Variants in LRFN5 observed in about 807,000 individuals in gnomAD.
LRFN5 encodes leucine rich repeat and fibronectin type III domain containing 5.
LRFN5 carries 24 observed loss-of-function variants against 45.6 expected under a neutral mutation model. That is an observed-to-expected ratio of 0.53 (90% CI 0.38 to 0.74). The LOEUF (loss-of-function observed/expected upper bound fraction) is 0.74, where lower values mean the gene tolerates loss of function less well. Ranked by LOEUF, LRFN5 falls within the 30% of genes least tolerant of loss-of-function variation. The pLI is 0.00. For missense variants in LRFN5, 776 were observed against 861.5 expected (o/e 0.90, Z 1.24); for synonymous variants, 340 against 313.8 (o/e 1.08, Z -0.88).
At chr14:41,868,312 T>C (rs1889906154) in intron 2 of LRFN5, among the ~76,000 whole-genome samples, 1 of 152,102 alleles carries the variant, frequency 6.6e-6, no homozygotes, top group Non-Finnish European at 1.5e-5. Flanking sequence ...CAATGGAATA[T>C]GTAAAGGAAC....
At chr14:41,856,675 A>ATTATTTTTATTTTTTTTTT in intron 2 of LRFN5, among the ~76,000 whole-genome samples, 1 of 18,328 alleles carries the variant, frequency 5.5e-5, no homozygotes, top group African/African-American at 1.3e-4. Flanking sequence ...TATTATTATT[A>ATTATTTTTATTTTTTTTTT]TTTTTTTTTT....
chr14:41,893,543 T>G, intron 4 of LRFN5: 1 of 985,080 alleles, frequency 1.0e-6, no homozygotes, highest in African/African-American at 1.7e-5. Flanking sequence ...CAGTAAAAGT[T>G]TATTAACTTT....
intron 2 of LRFN5, among the ~76,000 whole-genome samples, chr14:41,852,472 C>G (rs756876314): frequency 7.2e-5 from 11 of 151,824 alleles, no homozygotes; most frequent in Admixed American, 5.3e-4. Context: ...GTTCTCTTTC[C>G]TTGATCTAAA....
chr14:41,823,923 G>A (rs1347674782), intron 2 of LRFN5, among the ~76,000 whole-genome samples: 5 of 152,024 alleles, frequency 3.3e-5, no homozygotes, highest in Non-Finnish European at 2.9e-5. Context: ...CTGTCTTTAA[G>A]TTCTGAAATA....
intron 1 of LRFN5, among the ~76,000 whole-genome samples, chr14:41,674,266 G>A (rs1424548676): frequency 7.8e-6 from 1 of 128,884 alleles, no homozygotes; most frequent in Non-Finnish European, 1.7e-5. Flanking sequence ...TCACTTCCCA[G>A]TAGGGGCGGC....
At chr14:41,612,990 A>C (rs980505552) in intron 1 of LRFN5, among the ~76,000 whole-genome samples, 33 of 152,098 alleles carry the variant, frequency 2.2e-4, no homozygotes, top group African/African-American at 6.8e-4. Flanking sequence ...TTACATAAAC[A>C]TTTTATGTGA....
At position 41,758,527 on chromosome 14, in the gene LRFN5, G is replaced by A. The variant is rs183155967; in HGVS notation, c.-196-8327G>A. On this transcript the variant is annotated intron_variant, in intron 1 of 5. Coordinates refer to ENST00000298119, the MANE Select transcript of LRFN5 (RefSeq NM_152447.5). ...CCTATGGAGACATTTTAAAATCCCAGCTTTGTGTCAGTCACAGATTCACAG... is the reference window on the plus strand; with the variant it reads ...CCTATGGAGACATTTTAAAATCCCAACTTTGTGTCAGTCACAGATTCACAG... 5.2e-4 allele frequency among the ~76,000 whole-genome samples: 79 copies of A among 152,262 alleles called. 1 individual carries two copies. The highest frequency in any genetic ancestry group is 9.6e-4 in the Non-Finnish European group (65 of 68,016).
At chr14:41,848,565 A>G (rs1028536462) in intron 2 of LRFN5, among the ~76,000 whole-genome samples, 1 of 151,964 alleles carries the variant, frequency 6.6e-6, no homozygotes, top group Non-Finnish European at 1.5e-5. Flanking sequence ...TTGTGTTTAG[A>G]CTGTAGGAAA....
At chr14:41,620,475 A>G (rs1888085138) in intron 1 of LRFN5, among the ~76,000 whole-genome samples, 2 of 152,072 alleles carry the variant, frequency 1.3e-5, no homozygotes, top group African/African-American at 4.8e-5. Context: ...TGTCACTCTT[A>G]TTAAGGACAT....
chr14:41,735,805 T>C (rs1884405418), intron 1 of LRFN5, among the ~76,000 whole-genome samples: 1 of 152,040 alleles, frequency 6.6e-6, no homozygotes. Context: ...CCTCCCTGTG[T>C]CCATGTGTTC....
intron 1 of LRFN5, among the ~76,000 whole-genome samples, chr14:41,696,547 T>TCACAATCTCTGTTGATTGTGATATCAA (rs1555355409): frequency 6.6e-6 from 1 of 150,898 alleles, no homozygotes; most frequent in East Asian, 2.0e-4. Flanking sequence ...TCTGCAGACA[T>TCACAATCTCTGTTGATTGTGATATCAA]CACAATCTGT....
chr14:41,873,365 C>G (rs541228617), intron 2 of LRFN5, among the ~76,000 whole-genome samples: 99 of 151,316 alleles, frequency 6.5e-4, no homozygotes, highest in African/African-American at 2.4e-3. Context: ...TCTTAATGCT[C>G]CGTTTTCCTA....
At position 41,757,739 on chromosome 14, in the gene LRFN5, C is replaced by T. The variant is rs147662129; in HGVS notation, c.-196-9115C>T. ...CGATGCCTTGCCCTGCTTTGGCTCA[C>T]GCTCGGTGCGCTGCACCCACTGTAC... On this transcript the variant is annotated intron_variant, in intron 1 of 5. Transcript: ENST00000298119. Among the ~76,000 whole-genome samples the T allele has an allele frequency of 3.7e-3, 562 of 152,280 alleles. 9 individuals carry two copies. In the East Asian group the frequency reaches 0.043, roughly 12 times the overall value.
intron 1 of LRFN5, among the ~76,000 whole-genome samples, chr14:41,660,914 GT>G (rs1239323175): frequency 6.6e-6 from 1 of 151,400 alleles, no homozygotes; most frequent in African/African-American, 2.4e-5. Flanking sequence ...AGCCATTACT[GT>G]TTTTCTCTAC....
At chr14:41,884,758 G>T (rs1424119817) in intron 2 of LRFN5, among the ~76,000 whole-genome samples, 1 of 152,076 alleles carries the variant, frequency 6.6e-6, no homozygotes, top group Non-Finnish European at 1.5e-5. Context: ...ACAGGTTGGG[G>T]GCTCAGATGT....
intron 1 of LRFN5, among the ~76,000 whole-genome samples, chr14:41,678,383 G>A (rs995571221): frequency 1.3e-5 from 2 of 151,832 alleles, no homozygotes; most frequent in African/African-American, 4.8e-5. Flanking sequence ...AACAACAGAG[G>A]CCCAAATTTA....
At chr14:41,671,860 C>T (rs1444831535) in intron 1 of LRFN5, among the ~76,000 whole-genome samples, 2 of 151,990 alleles carry the variant, frequency 1.3e-5, no homozygotes, top group African/African-American at 2.4e-5. Flanking sequence ...TCAGGTTATC[C>T]GCCCGCCTTG....
At chr14:41,885,629 T>C (rs1245477072) in intron 2 of LRFN5, among the ~76,000 whole-genome samples, 1 of 152,142 alleles carries the variant, frequency 6.6e-6, no homozygotes, top group African/African-American at 2.4e-5. Flanking sequence ...TTTTAACCAA[T>C]AAAATATTTT....
intron 2 of LRFN5, among the ~76,000 whole-genome samples, chr14:41,855,284 A>G (rs1393547609): frequency 6.6e-6 from 1 of 152,198 alleles, no homozygotes; most frequent in Non-Finnish European, 1.5e-5. Flanking sequence ...CTTTAATATC[A>G]CACTGTGTAT....
Sources: allele counts gnomAD v4.1 joint callset (sites outside exome capture counted in the v4.1 genomes callset), GRCh38; gene constraint gnomAD v4.1.1; transcripts MANE v1.5; gene names NCBI Gene and HGNC (gene_info 2026-07-23, HGNC 2026-07-21).